HOXC4: variants seen among roughly 807,000 people sequenced by gnomAD.
The protein encoded by HOXC4 is homeobox protein Hox-C4.
In HOXC4, 15 loss-of-function variants were observed where a neutral mutation model predicts 25.5. That is an observed-to-expected ratio of 0.59 (90% CI 0.39 to 0.91). The LOEUF is 0.91. HOXC4 is among the 40% of genes least tolerant of loss of function. HOXC4 has a pLI of 0.00. For synonymous variants in HOXC4, 165 were observed against 148.0 expected, an observed-to-expected ratio of 1.11 and a Z score of -0.83; for missense variants, 342 against 352.4, an observed-to-expected ratio of 0.97 and a Z score of 0.24.
chr12:54,029,892 C>CGGA (rs147247423), intron 1 of HOXC4: 1 of 1,603,890 alleles, frequency 6.2e-7, no homozygotes, highest in African/African-American at 1.4e-5. Context: ...GGCGGAGGGG[C>CGGA]CACCGCCGAC....
chr12:54,034,062 G>C (rs1355569538), intron 1 of HOXC4: 1 of 707,622 alleles, frequency 1.4e-6, no homozygotes, highest in South Asian at 1.5e-5. Flanking sequence ...CCCTCCGGCT[G>C]CAGAGTGAAG....
chr12:54,024,368 C>T (rs1053971060), intron 1 of HOXC4, among the ~76,000 whole-genome samples: 2 of 152,112 alleles, frequency 1.3e-5, no homozygotes, highest in Non-Finnish European at 2.9e-5. Flanking sequence ...CAGGAGGCAC[C>T]GAGCTGTAGT....
chr12:54,020,755 G>C (rs1940398046), intron 1 of HOXC4: 1 of 152,208 alleles, frequency 6.6e-6, no homozygotes, highest in African/African-American at 2.4e-5. Context: ...TGCTCTGCTG[G>C]AAATATGTGC....
At chr12:54,033,083 A>T in intron 1 of HOXC4, 1 of 1,537,310 alleles carries the variant, frequency 6.5e-7, no homozygotes, top group Non-Finnish European at 8.9e-7. Context: ...ATCACCCTTA[A>T]TCAAAAAGGG....
chr12:54,026,971 G>T (rs1470594073), intron 1 of HOXC4, among the ~76,000 whole-genome samples: 1 of 138,436 alleles, frequency 7.2e-6, no homozygotes, highest in Non-Finnish European at 1.6e-5. Flanking sequence ...TGGTGGGGGG[G>T]GGGGGATATG....
At chr12:54,026,602 G>A (rs867979180) in intron 1 of HOXC4, among the ~76,000 whole-genome samples, 8 of 152,194 alleles carry the variant, frequency 5.3e-5, no homozygotes, top group Admixed American at 3.3e-4. Flanking sequence ...ACAAATTTCT[G>A]TCCTTTCTGG....
chr12:54,053,793 G>A, upstream of HOXC4: 1 of 687,972 alleles, frequency 1.5e-6, no homozygotes, highest in Non-Finnish European at 2.5e-6. Context: ...CGGGGACTGG[G>A]TTGCTCCGTG....
At chr12:54,050,315 C>T (rs1937815920), upstream of HOXC4, among the ~76,000 whole-genome samples, 1 of 152,088 alleles carries the variant, frequency 6.6e-6, no homozygotes, top group African/African-American at 2.4e-5. Flanking sequence ...AAAGAGAAAC[C>T]AAATCGAGAT....
chr12:54,028,338 A>T, intron 1 of HOXC4: 4 of 588,750 alleles, frequency 6.8e-6, no homozygotes, highest in Non-Finnish European at 1.2e-5. Flanking sequence ...CAACAGAAGC[A>T]GAAGCGATTT....
upstream of HOXC4, among the ~76,000 whole-genome samples, chr12:54,049,242 A>C (rs1334549529): frequency 6.6e-6 from 1 of 152,224 alleles, no homozygotes; most frequent in Non-Finnish European, 1.5e-5. Flanking sequence ...TGGAAGATCT[A>C]AAGGCCATTT....
At chr12:54,037,487 G>C (rs1052687921) in intron 1 of HOXC4, among the ~76,000 whole-genome samples, 5 of 152,170 alleles carry the variant, frequency 3.3e-5, no homozygotes, top group Admixed American at 1.3e-4. Context: ...GAAGAGGGGG[G>C]ACACGGCCCA....
intron 1 of HOXC4, among the ~76,000 whole-genome samples, chr12:54,041,977 C>CTTTTTTTTTTTT (rs796328359): frequency 8.6e-6 from 1 of 116,708 alleles, no homozygotes. Flanking sequence ...CTTTTCTTTT[C>CTTTTTTTTTTTT]TTTTTTTTTT....
chr12:54,026,705 T>C (rs1483786888), intron 1 of HOXC4, among the ~76,000 whole-genome samples: 1 of 152,212 alleles, frequency 6.6e-6, no homozygotes, highest in Non-Finnish European at 1.5e-5. Context: ...AACTAACATG[T>C]TGTCTCCACC....
upstream of HOXC4, among the ~76,000 whole-genome samples, chr12:54,049,590 T>A (rs765832095): frequency 4.0e-5 from 6 of 151,324 alleles, no homozygotes; most frequent in Non-Finnish European, 1.5e-5. Flanking sequence ...AGAAAAAAGG[T>A]TGAGTATTTT....
At chr12:54,040,927 CTT>C (rs1351188205) in intron 1 of HOXC4, among the ~76,000 whole-genome samples, 1 of 152,142 alleles carries the variant, frequency 6.6e-6, no homozygotes, top group Admixed American at 6.5e-5. Flanking sequence ...TGTCGAATAA[CTT>C]TGAGCTAGTT....
At chr12:54,023,633 T>C (rs1384928456) in intron 1 of HOXC4, among the ~76,000 whole-genome samples, 1 of 152,110 alleles carries the variant, frequency 6.6e-6, no homozygotes, top group Non-Finnish European at 1.5e-5. Flanking sequence ...TCCCTGCTGA[T>C]CCCCAGCTCC....
At position 54,028,274 on chromosome 12, in the gene HOXC4, A is replaced by T. The variant is rs1020158901; in HGVS notation, c.-124+10860A>T. On this transcript the variant is annotated intron_variant, in intron 1 of 3. Transcript: ENST00000303406. The stretch of plus-strand genomic sequence containing the variant: ...ATATATATATATATATATATTTTTT[A>T]AAAGAAATCCAAGTCTTACTTTCAA... 9.0e-4 allele frequency: 230 copies of T among 254,746 alleles called. 1 individual carries two copies. Among genetic ancestry groups the T allele is most frequent in the Middle Eastern group, 2.8e-3 (2 of 720 alleles). The allele number at this position is 254,746 out of a possible 1,614,324, so 15.8% of individuals were successfully genotyped here.
intron 1 of HOXC4, among the ~76,000 whole-genome samples, chr12:54,017,975 G>T (rs1940232775): frequency 6.6e-6 from 1 of 152,188 alleles, no homozygotes; most frequent in South Asian, 2.1e-4. Flanking sequence ...GGGCCGGGCC[G>T]CCGAGCAGGA....
At chr12:54,036,312 C>T (rs935048168) in intron 1 of HOXC4, among the ~76,000 whole-genome samples, 6 of 152,140 alleles carry the variant, frequency 3.9e-5, no homozygotes, top group African/African-American at 2.4e-5. Context: ...CTAGGCCCCC[C>T]ACACTGGTGG....
Sources: gnomAD v4.1 joint callset for allele counts (sites outside exome capture counted in the v4.1 genomes callset) on GRCh38, gnomAD v4.1.1 for gene constraint, MANE v1.5 for transcripts, NCBI Gene and HGNC (gene_info 2026-07-23, HGNC 2026-07-21) for gene names.